The following LRP2 variants were observed in gnomAD, a reference collection of about 807,000 sequenced individuals.
LRP2 encodes low-density lipoprotein receptor-related protein 2.
In LRP2, 172 loss-of-function variants were observed where a neutral mutation model predicts 531.0. The ratio of observed to expected loss-of-function variants is 0.32; its 90% CI spans 0.29 to 0.37. The LOEUF (loss-of-function observed/expected upper bound fraction) is 0.37. Among genes scored for constraint, LRP2 ranks in the 10% least tolerant of loss-of-function variants. The pLI, the probability that LRP2 is intolerant of heterozygous loss-of-function variation, is 1.00. For missense variants in LRP2, 5,167 were observed against 5,868.3 expected, an observed-to-expected ratio of 0.88 and a Z score of 3.90; for synonymous variants, 1,992 against 2,027.6, an observed-to-expected ratio of 0.98 and a Z score of 0.47.
chr2:169,325,154 A>C (rs830980), intron 1 of LRP2, among the ~76,000 whole-genome samples: 9,069 of 152,154 alleles, frequency 0.06, 378 homozygotes, highest in Non-Finnish European at 0.089. Flanking sequence ...CTCCTTCCAT[A>C]AATTCTATTC....
chr2:169,201,627 C>T lies in LRP2; in HGVS notation c.8452+1G>A, dbSNP rs80338748. On this transcript the variant is annotated splice_donor_variant, in intron 44 of 78. Transcript: ENST00000649046. LOFTEE classifies it high-confidence loss of function. ...ACAATAAGCACTTAAGATAAACTTACGGCAATTTTTCTCATCTGAAGTGTT... is the reference window on the plus strand; with the variant it reads ...ACAATAAGCACTTAAGATAAACTTATGGCAATTTTTCTCATCTGAAGTGTT... 9 of 1,614,088 alleles carry T rather than the reference C, an allele frequency of 5.6e-6. No individual in the cohort carries two copies. The highest frequency in any genetic ancestry group is 7.6e-6 in the Non-Finnish European group (9 of 1,180,004).
At position 169,294,234 on chromosome 2, in the gene LRP2, G is replaced by A. The variant is rs2105472357; in HGVS notation, c.566C>T (p.Ser189Leu). 7.4e-6 allele frequency: 12 copies of A among 1,612,912 alleles called. No individual in the cohort carries two copies. The highest frequency in any genetic ancestry group is 2.2e-5 in the East Asian group (1 of 44,874). Residue 189 changes from serine to leucine, a missense_variant, in exon 6 of 79, where the codon TCA becomes TTA. Around this residue, in one of 6 missense-constraint regions of LRP2, gnomAD observed 2,811 missense variants for 3,058.0 expected, o/e 0.92. Transcript: ENST00000649046. Reference sequence around the variant, plus strand: ...AGGGATACACTCTCCATTGCCACATGAAAACTCATTGTGCAAGCATATCTC... The same window carrying A: ...AGGGATACACTCTCCATTGCCACATAAAAACTCATTGTGCAAGCATATCTC... ...CTEICLHNEF[S>L]CGNGECIPRA...
At chr2:169,319,428 T>G (rs1422518392) in intron 2 of LRP2, among the ~76,000 whole-genome samples, 1 of 152,230 alleles carries the variant, frequency 6.6e-6, no homozygotes, top group African/African-American at 2.4e-5. Context: ...AGTTAAATAA[T>G]GTATGTGAAA....
At chr2:169,289,486 G>A (rs756649173) in intron 8 of LRP2, among the ~76,000 whole-genome samples, 4 of 152,150 alleles carry the variant, frequency 2.6e-5, no homozygotes, top group Admixed American at 2.6e-4. Context: ...GAGCCCAAAA[G>A]ATGGAGGCTG....
At chr2:169,185,474 T>C (rs1687601028) in intron 50 of LRP2, 29 bp downstream of exon 50, 1 of 1,609,264 alleles carries the variant, frequency 6.2e-7, no homozygotes, top group Non-Finnish European at 8.5e-7. Flanking sequence ...AATTTTTAAC[T>C]TTTAAAAAGC....
chr2:169,343,722 G>T (rs901818541), intron 1 of LRP2, among the ~76,000 whole-genome samples: 3 of 152,190 alleles, frequency 2.0e-5, no homozygotes, highest in Non-Finnish European at 4.4e-5. Context: ...TTTGGCCACA[G>T]GTTAACTATG....
At position 169,289,018 on chromosome 2, in the gene LRP2, T is replaced by C. The variant is rs372803502; in HGVS notation, c.1042+8A>G. ...AAAGACAAGTAGCCGCCGCCCCCCA[T>C]CACTTACCAACACAGGTACGGCTGT... On this transcript the variant is annotated splice_region_variant and intron_variant, in intron 9 of 78. Transcript: ENST00000649046. 3.2e-5 allele frequency: 51 copies of C among 1,613,720 alleles called. No homozygotes were observed. The highest frequency in any genetic ancestry group is 3.3e-4 in the Middle Eastern group (2 of 6,074).
chr2:169,188,203 C>T lies in LRP2; in HGVS notation c.9095G>A (p.Cys3032Tyr). 6.2e-7 allele frequency: 1 copy of T among 1,614,178 alleles called. No homozygotes were observed. Among genetic ancestry groups the T allele is most frequent in the Non-Finnish European group, 8.5e-7 (1 of 1,180,020 alleles). ...CTGACAGGTAAACTGATTCTGTTGG[C>T]AAGTCTGGTATAAGCAGCCCCTCTC... The part of the protein sequence containing the change: ...SDERGCLYQT[C>Y]QQNQFTCQNG... Residue 3032 changes from cysteine (C) to tyrosine (Y), a missense_variant, in exon 49 of 79, where the codon TGC (cysteine) becomes TAC (tyrosine). Physicochemically the swap from Cys to Tyr is radical, Grantham distance 194 (BLOSUM62 -2). This residue lies in a region of LRP2 where 1,129 missense variants were observed against 1,362.7 expected (regional missense o/e 0.83). Coordinates refer to ENST00000649046, the MANE Select transcript of LRP2 (RefSeq NM_004525.3).
chr2:169,327,938 C>G (rs866583031), intron 1 of LRP2, among the ~76,000 whole-genome samples: 10 of 54,200 alleles, frequency 1.8e-4, no homozygotes, highest in Admixed American at 3.5e-4. Context: ...GAGGTGGGGG[C>G]GTCAGCCCCC....
intron 30 of LRP2, among the ~76,000 whole-genome samples, chr2:169,232,562 T>C (rs1689448146): frequency 6.6e-6 from 1 of 151,962 alleles, no homozygotes; most frequent in African/African-American, 2.4e-5. Flanking sequence ...AGAGAGAGGT[T>C]TCAGAACATG....
intron 55 of LRP2, 62 bp downstream of exon 55, chr2:169,175,131 A>G: frequency 5.9e-6 from 9 of 1,534,436 alleles, no homozygotes; most frequent in South Asian, 2.3e-5. Context: ...TACCCACAGA[A>G]TCATGATCGT....
chr2:169,195,097 C>T (rs1332565450), intron 46 of LRP2, among the ~76,000 whole-genome samples: 1 of 152,116 alleles, frequency 6.6e-6, no homozygotes, highest in Non-Finnish European at 1.5e-5. Context: ...TCCACATGTG[C>T]ACAAAGGATG....
chr2:169,351,018 A>G (rs528034857), intron 1 of LRP2, among the ~76,000 whole-genome samples: 2 of 152,304 alleles, frequency 1.3e-5, no homozygotes, highest in Admixed American at 1.3e-4. Context: ...CAGGTCAGGG[A>G]TATAGACAGG....
At chr2:169,352,068 G>A (rs1239538854) in intron 1 of LRP2, among the ~76,000 whole-genome samples, 1 of 152,168 alleles carries the variant, frequency 6.6e-6, no homozygotes, top group East Asian at 1.9e-4. Flanking sequence ...TCCATTCCAA[G>A]CATGGAACAG....
rs182497123 is a variant in LRP2, at chr2:169,261,607, T to C, written c.2321-2390A>G. 2.6e-5 allele frequency among the ~76,000 whole-genome samples: 4 copies of C among 151,120 alleles called. No individual in the cohort carries two copies. The East Asian group carries it at 5.9e-4, about 22-fold the overall frequency. ...TGACTATGAGGAATATTTTAAAAGG[T>C]AGGTTGCCAAAAAGAGTCCAGGACC... On this transcript the variant is annotated intron_variant, in intron 16 of 78. Coordinates refer to ENST00000649046, the MANE Select transcript of LRP2 (RefSeq NM_004525.3).
intron 46 of LRP2, among the ~76,000 whole-genome samples, chr2:169,196,479 G>A (rs2105318230): frequency 6.6e-6 from 1 of 152,180 alleles, no homozygotes; most frequent in African/African-American, 2.4e-5. Flanking sequence ...TCATAAACTG[G>A]CACAGAGAGA....
chr2:169,207,919 A>T (rs2105335124), intron 38 of LRP2, among the ~76,000 whole-genome samples: 1 of 152,362 alleles, frequency 6.6e-6, no homozygotes, highest in East Asian at 1.9e-4. Flanking sequence ...CTGTTGTTGA[A>T]CTATCAATGC....
intron 61 of LRP2, among the ~76,000 whole-genome samples, chr2:169,168,112 G>A (rs569337560): frequency 6.9e-6 from 1 of 145,238 alleles, no homozygotes; most frequent in Non-Finnish European, 1.5e-5. Context: ...TGACTGTAAA[G>A]ATTAAGAAAG....
chr2:169,241,116 G>T lies in LRP2; in HGVS notation c.3917C>A (p.Pro1306His). Residue 1306 changes from proline (P) to histidine (H), a missense_variant, in exon 25 of 79, where the codon CCT becomes CAT. By Grantham distance (77) the Pro-to-His change is moderately conservative. Around this residue, in one of 6 missense-constraint regions of LRP2, gnomAD observed 2,811 missense variants for 3,058.0 expected, o/e 0.92. Coordinates refer to ENST00000649046, the MANE Select transcript of LRP2 (RefSeq NM_004525.3). ...CGDMSDEKDCPTQPFRCPSWQ... is the reference protein window; with the variant it reads ...CGDMSDEKDCHTQPFRCPSWQ... ...ACTAGGACAGCGAAAGGGCTGAGTA[G>T]GGCAGTCCTTCTCATCACTCATATC... The T allele has an allele frequency of 6.2e-7, 1 of 1,613,996 alleles. No homozygotes were observed. The highest frequency in any genetic ancestry group is 8.5e-7 in the Non-Finnish European group (1 of 1,179,910).
Sources: allele counts gnomAD v4.1 joint callset (sites outside exome capture counted in the v4.1 genomes callset), GRCh38; gene constraint gnomAD v4.1.1; regional missense constraint gnomAD v4.1.1; transcripts MANE v1.5; gene names NCBI Gene and HGNC (gene_info 2026-07-23, HGNC 2026-07-21).